Variants in SIK3 observed in about 807,000 individuals in gnomAD.
The protein encoded by SIK3 is serine/threonine-protein kinase SIK3.
Under a neutral mutation model 144.2 loss-of-function variants are expected in SIK3, and 28 were observed. The ratio of observed to expected loss-of-function variants is 0.19; its 90% CI spans 0.14 to 0.27. SIK3 has a LOEUF of 0.27. Ranked by LOEUF, SIK3 falls within the 10% of genes least tolerant of loss-of-function variation. The pLI, the probability that SIK3 is intolerant of heterozygous loss-of-function variation, is 1.00. For missense variants in SIK3, 1,319 were observed against 1,776.0 expected (o/e 0.74, Z 4.62); for synonymous variants, 686 against 676.3 (o/e 1.01, Z -0.22).
chr11:116,960,313 G>C (rs1178683675), intron 1 of SIK3, among the ~76,000 whole-genome samples: 1 of 151,998 alleles, frequency 6.6e-6, no homozygotes, highest in African/African-American at 2.4e-5. Flanking sequence ...ATGGCTTGAG[G>C]CGAGGAGTTC....
chr11:116,927,019 G>GA (rs34416738), intron 4 of SIK3, among the ~76,000 whole-genome samples, 200 bp downstream of exon 4: 26,180 of 110,332 alleles, frequency 0.24, 2,680 homozygotes, highest in Admixed American at 0.29. Context: ...ACTCAGTCTC[G>GA]AAAAAAAAAA....
chr11:116,915,124 A>ATGTATGTGTG (rs1555093321), intron 4 of SIK3, among the ~76,000 whole-genome samples: 1 of 129,928 alleles, frequency 7.7e-6, no homozygotes, highest in Non-Finnish European at 1.6e-5. Flanking sequence ...GAAGCCATAT[A>ATGTATGTGTG]TGTGTGTGTG....
chr11:116,969,488 A>G (rs1949691995), intron 1 of SIK3, among the ~76,000 whole-genome samples: 1 of 151,950 alleles, frequency 6.6e-6, no homozygotes, highest in Admixed American at 6.6e-5. Context: ...ATCCCTCCAT[A>G]TTTAAAAGTC....
At chr11:116,855,746 C>A (rs1432801477) in intron 21 of SIK3, 1 of 152,228 alleles carries the variant, frequency 6.6e-6, no homozygotes, top group East Asian at 1.9e-4. Context: ...TTATGTTCAG[C>A]TGCCCCTGAC....
In SIK3 at chr11:116,937,069, T is replaced by A. The variant is rs114477894; in HGVS notation, c.455-9689A>T. ...ATTTAATCTATCTGCCTCTATGACA[T>A]CAGCAAACAATTATATTACAGTAAT... On this transcript the variant is annotated intron_variant, in intron 3 of 24. Coordinates refer to ENST00000445177, the MANE Select transcript of SIK3 (RefSeq NM_001366686.3). Among the ~76,000 whole-genome samples, 532 of 152,324 alleles carry A rather than the reference T, an allele frequency of 3.5e-3. 5 individuals carry two copies. Among genetic ancestry groups the A allele is most frequent in the African/African-American group, 0.012 (513 of 41,578 alleles).
At position 116,858,980 on chromosome 11, in the gene SIK3, T is replaced by G. The variant is rs2134401269; in HGVS notation, c.2766-281A>C. ...AAAGGGGAACTGGAATTTTTATACA[T>G]TCCTCTAACAGGCCATTTTCTTCTT... On this transcript the variant is annotated intron_variant, in intron 20 of 24. Coordinates refer to ENST00000445177, the MANE Select transcript of SIK3 (RefSeq NM_001366686.3). This position sits in a 1 kb window ranked among gnomAD's most constrained non-coding sequence, Gnocchi z 5.4. Among the ~76,000 whole-genome samples, 1 of 152,334 alleles carries G rather than the reference T, an allele frequency of 6.6e-6. No individual in the cohort carries two copies. Among genetic ancestry groups the G allele is most frequent in the South Asian group, 2.1e-4 (1 of 4,822 alleles).
intron 1 of SIK3, among the ~76,000 whole-genome samples, chr11:117,064,197 T>C (rs1255726721): frequency 6.6e-6 from 1 of 152,174 alleles, no homozygotes; most frequent in Non-Finnish European, 1.5e-5. Context: ...GAGTATAATT[T>C]GTCAGTAACT....
intron 3 of SIK3, among the ~76,000 whole-genome samples, chr11:116,946,841 A>G (rs1482449574): frequency 6.6e-6 from 1 of 151,952 alleles, no homozygotes; most frequent in Non-Finnish European, 1.5e-5. Context: ...CCAGGCCAGG[A>G]GCGTTGGCTC....
rs933610268 is a variant in SIK3, at chr11:116,846,871, A to G, written c.3953-318T>C. ...AGAAAGGATCACCTCTTAAAGAGTG[A>G]AAGGGAGAATAATTTTACTGCCTGC... On this transcript the variant is annotated intron_variant, in intron 23 of 24. Transcript: ENST00000445177. The surrounding 1 kb of genome is among the most constrained non-coding windows in gnomAD (Gnocchi z 4.1). Among the ~76,000 whole-genome samples the G allele has an allele frequency of 6.6e-6, 1 of 152,254 alleles. No individual in the cohort carries two copies. Among genetic ancestry groups the G allele is most frequent in the African/African-American group, 2.4e-5 (1 of 41,470 alleles).
intron 4 of SIK3, among the ~76,000 whole-genome samples, chr11:116,906,533 C>T (rs929530294): frequency 3.3e-5 from 5 of 151,956 alleles, no homozygotes; most frequent in African/African-American, 1.2e-4. Flanking sequence ...GGTGCGAGAA[C>T]AGAAAGAGGA....
chr11:116,907,978 G>A (rs1257321966), intron 4 of SIK3, among the ~76,000 whole-genome samples: 2 of 120,436 alleles, frequency 1.7e-5, no homozygotes, highest in Admixed American at 8.8e-5. Context: ...AAACTATCAC[G>A]TTTTTATTTA....
intron 3 of SIK3, among the ~76,000 whole-genome samples, chr11:116,938,612 A>G (rs61907599): frequency 0.016 from 232 of 14,350 alleles, 3 homozygotes; most frequent in East Asian, 0.046. Context: ...AGAGGAGAGG[A>G]GAGGGGAGGG....
At chr11:117,057,620 T>G (rs7114173) in intron 1 of SIK3, among the ~76,000 whole-genome samples, 58 of 152,050 alleles carry the variant, frequency 3.8e-4, no homozygotes, top group Non-Finnish European at 6.3e-4. Context: ...CCAACAAAGG[T>G]AGGCATTAAC....
At chr11:117,081,676 C>T (rs11216267) in intron 1 of SIK3, among the ~76,000 whole-genome samples, 69,059 of 151,996 alleles carry the variant, frequency 0.45, 19,098 homozygotes, top group Non-Finnish European at 0.64. Context: ...GAAAACGTCC[C>T]GGGAAAGAGA....
At chr11:117,015,041 G>A (rs1012313510) in intron 1 of SIK3, among the ~76,000 whole-genome samples, 23 of 152,152 alleles carry the variant, frequency 1.5e-4, no homozygotes, top group Admixed American at 1.5e-3. Context: ...TCCAGCCTGG[G>A]CAAAAGAGCA....
chr11:116,880,277 G>A (rs1229385746), intron 6 of SIK3, among the ~76,000 whole-genome samples: 4 of 150,974 alleles, frequency 2.6e-5, no homozygotes, highest in Non-Finnish European at 5.9e-5. Context: ...ACCATTATTT[G>A]GCCTCAGATG....
chr11:116,865,446 A>G (rs940671100), intron 15 of SIK3, among the ~76,000 whole-genome samples: 5 of 152,152 alleles, frequency 3.3e-5, no homozygotes, highest in African/African-American at 4.8e-5. Flanking sequence ...AGAAGCACTG[A>G]TAAGTATCAA....
At position 116,921,111 on chromosome 11, in the gene SIK3, C is replaced by T. The variant is rs879797966; in HGVS notation, c.616+6108G>A. On this transcript the variant is annotated intron_variant, in intron 4 of 24. Transcript: ENST00000445177. The stretch of plus-strand genomic sequence containing the variant: ...ATCTCAGGCAAGAAAAGTTAAAAGT[C>T]GGAGGCCAAGAATCCTACTCTTTTC... Among the ~76,000 whole-genome samples the T allele has an allele frequency of 2.0e-5, 3 of 152,156 alleles. 1 individual carries two copies. The highest frequency in any genetic ancestry group is 1.3e-4 in the Admixed American group (2 of 15,276).
Position 116,858,497 on chromosome 11 carries a change from A to T in SIK3, c.2968T>A (p.Tyr990Asn). Residue 990 changes from tyrosine to asparagine, a missense_variant, in exon 21 of 25, where the codon TAT becomes AAT. Around this residue, in one of 8 missense-constraint regions of SIK3, gnomAD observed 646 missense variants for 763.7 expected, o/e 0.85. Coordinates refer to ENST00000445177, the MANE Select transcript of SIK3 (RefSeq NM_001366686.3). The surrounding 1 kb of genome is among the most constrained non-coding windows in gnomAD (Gnocchi z 5.4). ...PPSAHQQPPHYTTSALQQALL... is the reference protein window; with the variant it reads ...PPSAHQQPPHNTTSALQQALL... ...GCCTGCTGTAGTGCCGACGTGGTATAGTGTGGCGGCTGCTGATGTGCACTG... is the reference window on the plus strand; with the variant it reads ...GCCTGCTGTAGTGCCGACGTGGTATTGTGTGGCGGCTGCTGATGTGCACTG... The T allele has an allele frequency of 6.2e-7, 1 of 1,610,568 alleles. No individual in the cohort carries two copies. The highest frequency in any genetic ancestry group is 8.5e-7 in the Non-Finnish European group (1 of 1,178,214).
Sources: gnomAD v4.1 joint callset for allele counts (sites outside exome capture counted in the v4.1 genomes callset) on GRCh38, gnomAD v4.1.1 for gene constraint, gnomAD v4.1.1 regional missense constraint, Gnocchi (gnomAD v3.1) non-coding constraint, MANE v1.5 for transcripts, NCBI Gene and HGNC (gene_info 2026-07-23, HGNC 2026-07-21) for gene names.